The following FTCDNL1 variants were observed in gnomAD, a reference collection of about 807,000 sequenced individuals.
FTCDNL1 encodes the protein formiminotransferase N-terminal subdomain-containing protein.
In FTCDNL1, 11 loss-of-function variants were observed where a neutral mutation model predicts 5.9. That is an observed-to-expected ratio of 1.87 (90% CI 1.18 to 3.10). FTCDNL1 has a LOEUF of 3.10. Ranked by LOEUF, FTCDNL1 falls within the 30% of genes most tolerant of loss-of-function variation. FTCDNL1 has a pLI of 0.00. For missense variants in FTCDNL1, 115 were observed against 65.5 expected (o/e 1.76, Z -2.61); for synonymous variants, 58 against 24.8 (o/e 2.34, Z -3.99).
intron 3 of FTCDNL1, 49 bp downstream of exon 3, chr2:199,846,026 C>G: frequency 1.5e-6 from 1 of 656,218 alleles, no homozygotes; most frequent in Non-Finnish European, 2.7e-6. Flanking sequence ...TCAGGTCTAC[C>G]TGAACCAAAA....
At chr2:199,750,422 T>C in the FTCDNL1 span, among the ~76,000 whole-genome samples, 20 of 152,328 alleles carry the variant, frequency 1.3e-4, no homozygotes, top group Middle Eastern at 6.8e-3. Context: ...GTCAATCCTA[T>C]AATTCTCATT....
rs1011953483 is a variant in FTCDNL1, at chr2:199,848,935, A to G, written c.28T>C (p.Leu10=). The change falls in exon 2 of 5, where the codon TTG becomes CTG. Residue 10 remains leucine (L), a synonymous_variant. Transcript: ENST00000420128. ...GAAACGTTTAGTAAACAGGCAGCCA[A>G]ACGGAGCCCCACTCTGGAAGAAGAC... MSSSRVGLR[L]AACLLNVSEA... The G allele has an allele frequency of 1.4e-6, 1 of 702,178 alleles. No homozygotes were observed. Among genetic ancestry groups the G allele is most frequent in the Non-Finnish European group, 2.6e-6 (1 of 384,766 alleles). 43.5% of individuals were successfully genotyped at this position (702,178 alleles called of 1,614,324 possible). A position where few individuals can be genotyped will look rare whatever the true frequency, so the allele number is the denominator to read the frequency against.
At chr2:199,798,278 T>C (rs995671649) in intron 3 of FTCDNL1, among the ~76,000 whole-genome samples, 1 of 152,208 alleles carries the variant, frequency 6.6e-6, no homozygotes, top group African/African-American at 2.4e-5. Flanking sequence ...ATTAATTTAT[T>C]TAGCAAAGGT....
chr2:199,849,150 T>G (rs1159447912), intron 1 of FTCDNL1, among the ~76,000 whole-genome samples, 181 bp from the exon 2 acceptor site: 1 of 152,216 alleles, frequency 6.6e-6, no homozygotes, highest in South Asian at 2.1e-4. Context: ...AGAAACCATG[T>G]GTACATGGTC....
the FTCDNL1 span, among the ~76,000 whole-genome samples, chr2:199,707,694 T>TA: frequency 3.9e-5 from 6 of 152,004 alleles, no homozygotes; most frequent in Admixed American, 6.6e-5. Flanking sequence ...TTTTCTCCAT[T>TA]AAAAAAATGC....
intron 3 of FTCDNL1, among the ~76,000 whole-genome samples, chr2:199,839,963 T>A (rs1406515926): frequency 1.3e-5 from 2 of 151,390 alleles, no homozygotes; most frequent in Non-Finnish European, 2.9e-5. Context: ...ACCAAGAAAG[T>A]CAAAAAAGAA....
At chr2:199,831,431 C>T (rs2106577578) in intron 3 of FTCDNL1, among the ~76,000 whole-genome samples, 1 of 152,076 alleles carries the variant, frequency 6.6e-6, no homozygotes, top group South Asian at 2.1e-4. Flanking sequence ...TGAATGTCCA[C>T]AAACAGGAGA....
intron 3 of FTCDNL1, among the ~76,000 whole-genome samples, chr2:199,765,547 TA>T (rs1374207113): frequency 4.3e-5 from 4 of 93,942 alleles, no homozygotes; most frequent in Non-Finnish European, 6.6e-5. Flanking sequence ...TATATATATA[TA>T]TATATATATT....
At chr2:199,738,602 CAG>C in the FTCDNL1 span, among the ~76,000 whole-genome samples, 4 of 152,018 alleles carry the variant, frequency 2.6e-5, no homozygotes, top group East Asian at 5.8e-4. Flanking sequence ...CATGCTGAAA[CAG>C]AGGATTGTGA....
At chr2:199,748,818 G>A in the FTCDNL1 span, among the ~76,000 whole-genome samples, 11 of 152,204 alleles carry the variant, frequency 7.2e-5, no homozygotes, top group South Asian at 2.1e-4. Context: ...ACTGCCCTTC[G>A]TCCCTCTGGA....
chr2:199,732,762 T>C, the FTCDNL1 span, among the ~76,000 whole-genome samples: 1 of 152,226 alleles, frequency 6.6e-6, no homozygotes, highest in Non-Finnish European at 1.5e-5. Flanking sequence ...TAATGCACCC[T>C]AACCCATCGA....
At chr2:199,837,730 T>TA (rs1002607968) in intron 3 of FTCDNL1, among the ~76,000 whole-genome samples, 1 of 152,150 alleles carries the variant, frequency 6.6e-6, no homozygotes, top group Non-Finnish European at 1.5e-5. Flanking sequence ...TATATTTTTT[T>TA]AAAAAAATCA....
intron 3 of FTCDNL1, among the ~76,000 whole-genome samples, chr2:199,823,199 T>A (rs1358903824): frequency 6.6e-6 from 1 of 152,174 alleles, no homozygotes; most frequent in Non-Finnish European, 1.5e-5. Context: ...CATCTTCAGT[T>A]TCCACTTCTA....
intron 3 of FTCDNL1, among the ~76,000 whole-genome samples, chr2:199,838,440 T>C (rs564341367): frequency 6.6e-6 from 1 of 151,536 alleles, no homozygotes. Context: ...GGAAAAAAAA[T>C]GGTATAAAGA....
intron 3 of FTCDNL1, among the ~76,000 whole-genome samples, chr2:199,774,677 T>C (rs1278457117): frequency 3.9e-5 from 6 of 152,118 alleles, no homozygotes; most frequent in African/African-American, 1.4e-4. Context: ...GGCATGGCCT[T>C]GACATGATAG....
the FTCDNL1 span, among the ~76,000 whole-genome samples, chr2:199,729,494 T>C: frequency 2.0e-5 from 3 of 152,204 alleles, no homozygotes; most frequent in Non-Finnish European, 2.9e-5. Flanking sequence ...GATAAGCAAC[T>C]TCAGCAAAGT....
At chr2:199,739,662 AC>A in the FTCDNL1 span, among the ~76,000 whole-genome samples, 2 of 152,034 alleles carry the variant, frequency 1.3e-5, no homozygotes, top group Non-Finnish European at 2.9e-5. Flanking sequence ...AAAACAAAAA[AC>A]CCAGTTTAGC....
chr2:199,834,564 G>A (rs993394595), intron 3 of FTCDNL1, among the ~76,000 whole-genome samples: 3 of 152,252 alleles, frequency 2.0e-5, no homozygotes, highest in African/African-American at 7.2e-5. Context: ...TTGGCTGCCC[G>A]GTACTGCCTG....
chr2:199,722,158 T>C, the FTCDNL1 span, among the ~76,000 whole-genome samples: 1 of 152,218 alleles, frequency 6.6e-6, no homozygotes, highest in South Asian at 2.1e-4. Flanking sequence ...ATTTTTGCTT[T>C]TGTTGCAATT....
Sources: allele counts gnomAD v4.1 joint callset (sites outside exome capture counted in the v4.1 genomes callset), GRCh38; gene constraint gnomAD v4.1.1; transcripts MANE v1.5; gene names NCBI Gene and HGNC (gene_info 2026-07-23, HGNC 2026-07-21).